CDK14: variants seen among roughly 807,000 people sequenced by gnomAD.
The protein encoded by CDK14 is cyclin dependent kinase 14, also known as cyclin-dependent kinase 14.
Under a neutral mutation model 60.7 loss-of-function variants are expected in CDK14, and 34 were observed. The observed-to-expected ratio is 0.56, with a 90% confidence interval of 0.43 to 0.75. CDK14 has a LOEUF of 0.75. CDK14 is among the 30% of genes least tolerant of loss of function. CDK14 has a pLI of 0.00. For synonymous variants in CDK14, 197 were observed against 203.7 expected (o/e 0.97, Z 0.28); for missense variants, 482 against 564.1 (o/e 0.85, Z 1.47).
intron 10 of CDK14, among the ~76,000 whole-genome samples, chr7:91,042,341 C>A (rs1349665409): frequency 6.6e-6 from 1 of 152,094 alleles, no homozygotes; most frequent in Non-Finnish European, 1.5e-5. Context: ...CACCCTCTCC[C>A]GGTAGCATTT....
At chr7:91,101,846 T>C (rs376091223) in intron 12 of CDK14, among the ~76,000 whole-genome samples, 2 of 151,662 alleles carry the variant, frequency 1.3e-5, no homozygotes, top group East Asian at 3.9e-4. Flanking sequence ...AATTTAAGCC[T>C]GTTTGCTAAA....
At chr7:90,923,820 T>A (rs906437437) in intron 8 of CDK14, among the ~76,000 whole-genome samples, 2 of 152,230 alleles carry the variant, frequency 1.3e-5, no homozygotes, top group African/African-American at 2.4e-5. Flanking sequence ...GTAAATCAAA[T>A]AAGTCATACT....
At chr7:90,881,196 A>G (rs1322536493) in intron 6 of CDK14, among the ~76,000 whole-genome samples, 1 of 152,208 alleles carries the variant, frequency 6.6e-6, no homozygotes, top group African/African-American at 2.4e-5. Flanking sequence ...AAGAACCTTG[A>G]TAAAAGGTTA....
intron 14 of CDK14, among the ~76,000 whole-genome samples, chr7:91,205,951 A>G (rs1443430625): frequency 6.6e-6 from 1 of 151,872 alleles, no homozygotes; most frequent in Non-Finnish European, 1.5e-5. Flanking sequence ...ACACACCACC[A>G]CGCCTGGCTA....
At chr7:90,741,862 A>G (rs781671917) in intron 3 of CDK14, among the ~76,000 whole-genome samples, 2 of 152,080 alleles carry the variant, frequency 1.3e-5, no homozygotes, top group Non-Finnish European at 2.9e-5. Flanking sequence ...TAGGTTACAT[A>G]ATTTTTTGAT....
intron 8 of CDK14, among the ~76,000 whole-genome samples, chr7:90,942,371 T>A (rs1280239741): frequency 6.6e-6 from 1 of 152,106 alleles, no homozygotes; most frequent in Non-Finnish European, 1.5e-5. Flanking sequence ...GGGTGAGAAA[T>A]CAGAGGCACA....
At chr7:90,681,379 G>C (rs1454507614) in intron 2 of CDK14, among the ~76,000 whole-genome samples, 1 of 152,104 alleles carries the variant, frequency 6.6e-6, no homozygotes, top group East Asian at 1.9e-4. Flanking sequence ...TCCATTACAG[G>C]CTTGGTGGAG....
chr7:90,939,017 T>C (rs1337212163), intron 8 of CDK14, among the ~76,000 whole-genome samples: 1 of 152,252 alleles, frequency 6.6e-6, no homozygotes, highest in Non-Finnish European at 1.5e-5. Context: ...TCTATACTTA[T>C]ATTTCAAATA....
chr7:90,806,712 TC>T lies in CDK14; in HGVS notation c.544+16062del, dbSNP rs570302826. Among the ~76,000 whole-genome samples, 3 of 152,312 alleles carry T rather than the reference TC, an allele frequency of 2.0e-5. No individual in the cohort carries two copies. In the East Asian group the frequency reaches 5.8e-4, roughly 29 times the overall value. On this transcript the variant is annotated intron_variant, in intron 5 of 14. Coordinates refer to ENST00000380050, the MANE Select transcript of CDK14 (RefSeq NM_001287135.2). ...GCACAAGAGGTCAGGGAATTCCCTT[TC>T]CTAGTCAAAGAAAGGGGTGACAGAC...
intron 11 of CDK14, among the ~76,000 whole-genome samples, chr7:91,052,487 CA>C (rs1797420660): frequency 6.6e-6 from 1 of 152,282 alleles, no homozygotes; most frequent in East Asian, 1.9e-4. Flanking sequence ...AATATCTACA[CA>C]AAACCACCAA....
intron 14 of CDK14, among the ~76,000 whole-genome samples, chr7:91,140,878 C>T (rs1235441572): frequency 6.6e-6 from 1 of 151,706 alleles, no homozygotes; most frequent in African/African-American, 2.4e-5. Context: ...TTATGATAGC[C>T]ATTTTTTTGG....
rs1798796071 is a variant in CDK14 at position 91,091,221 on chromosome 7, C to A, written c.1154+11741C>A. Among the ~76,000 whole-genome samples the A allele has an allele frequency of 2.0e-5, 3 of 148,568 alleles. No individual in the cohort carries two copies. In the South Asian group the frequency reaches 6.3e-4, roughly 31 times the overall value. On this transcript the variant is annotated intron_variant, in intron 12 of 14. Coordinates refer to ENST00000380050, the MANE Select transcript of CDK14 (RefSeq NM_001287135.2). ...GATGAGACTAGGTGACATGACAAGA[C>A]CCTATCTGTAAAAAATTTATCTGTA... is the stretch of plus-strand genomic sequence containing the variant.
At chr7:90,655,855 C>A (rs1800741215) in intron 2 of CDK14, among the ~76,000 whole-genome samples, 1 of 152,178 alleles carries the variant, frequency 6.6e-6, no homozygotes, top group Non-Finnish European at 1.5e-5. Flanking sequence ...CATGCTGAAA[C>A]ACCCTTCATT....
chr7:91,197,556 C>T (rs1302539241), intron 14 of CDK14, among the ~76,000 whole-genome samples: 1 of 152,154 alleles, frequency 6.6e-6, no homozygotes. Context: ...TCAGAAGACA[C>T]TGAATCATGA....
intron 3 of CDK14, among the ~76,000 whole-genome samples, chr7:90,737,858 A>C (rs1803185586): frequency 6.6e-6 from 1 of 152,104 alleles, no homozygotes; most frequent in Non-Finnish European, 1.5e-5. Context: ...GGTTTTCCTC[A>C]ATTCAGGGGG....
At chr7:90,857,606 A>T (rs1169462468) in intron 5 of CDK14, among the ~76,000 whole-genome samples, 1 of 152,230 alleles carries the variant, frequency 6.6e-6, no homozygotes, top group Non-Finnish European at 1.5e-5. Context: ...ACTAATGCTA[A>T]TGTTACAGGA....
chr7:90,922,011 C>A (rs1425808112), intron 8 of CDK14, among the ~76,000 whole-genome samples: 5 of 152,114 alleles, frequency 3.3e-5, no homozygotes, highest in Non-Finnish European at 1.5e-5. Context: ...TAGTAGTAAA[C>A]AGAAAGAAAT....
At position 91,023,125 on chromosome 7, in the gene CDK14, A is replaced by C. The variant is rs187625791; in HGVS notation, c.1042-22772A>C. On this transcript the variant is annotated intron_variant, in intron 10 of 14. Transcript: ENST00000380050. ...GTTTCTTGATTTCCTCATGCTACTGAGAATGTCCACCATGATGATGTATTT... is the reference window on the plus strand; with the variant it reads ...GTTTCTTGATTTCCTCATGCTACTGCGAATGTCCACCATGATGATGTATTT... Among the ~76,000 whole-genome samples the C allele has an allele frequency of 2.3e-3, 348 of 152,272 alleles. 1 individual carries two copies. Among genetic ancestry groups the C allele is most frequent in the African/African-American group, 7.7e-3 (321 of 41,550 alleles).
intron 10 of CDK14, among the ~76,000 whole-genome samples, chr7:91,035,905 G>A (rs1172639987): frequency 1.4e-5 from 2 of 143,754 alleles, no homozygotes; most frequent in Non-Finnish European, 3.0e-5. Flanking sequence ...CTGCAGTGGC[G>A]CAATCTCGGC....
Sources: allele counts gnomAD v4.1 joint callset (sites outside exome capture counted in the v4.1 genomes callset), GRCh38; gene constraint gnomAD v4.1.1; transcripts MANE v1.5; gene names NCBI Gene and HGNC (gene_info 2026-07-23, HGNC 2026-07-21).